The following INPP4B variants were observed in gnomAD, a reference collection of about 807,000 sequenced individuals.
The protein encoded by INPP4B is inositol polyphosphate-4-phosphatase type II B.
Under a neutral mutation model 122.5 loss-of-function variants are expected in INPP4B, and 55 were observed. The ratio of observed to expected loss-of-function variants is 0.45; its 90% CI spans 0.36 to 0.56. The LOEUF is 0.56. INPP4B is among the 20% of genes least tolerant of loss of function. The pLI, the probability that INPP4B is intolerant of heterozygous loss-of-function variation, is 0.00. For missense variants in INPP4B, 1,000 were observed against 1,097.7 expected, an observed-to-expected ratio of 0.91 and a Z score of 1.26; for synonymous variants, 403 against 388.7, an observed-to-expected ratio of 1.04 and a Z score of -0.43.
chr4:142,560,107 G>T (rs1371157230), intron 2 of INPP4B, among the ~76,000 whole-genome samples: 2 of 152,176 alleles, frequency 1.3e-5, no homozygotes, highest in Admixed American at 1.3e-4. Context: ...ACAGAAGGGG[G>T]TTTATCAAGA....
chr4:142,459,198 A>T (rs1055967148), intron 3 of INPP4B, among the ~76,000 whole-genome samples: 3 of 151,890 alleles, frequency 2.0e-5, no homozygotes, highest in Non-Finnish European at 4.4e-5. Flanking sequence ...AGAGGCATTC[A>T]CATATTATGT....
intron 11 of INPP4B, among the ~76,000 whole-genome samples, chr4:142,251,036 A>T (rs1731748039): frequency 6.6e-6 from 1 of 152,194 alleles, no homozygotes; most frequent in Non-Finnish European, 1.5e-5. Context: ...TCCAACACTT[A>T]TGCCTTACAG....
chr4:142,407,551 G>T (rs888268414), intron 5 of INPP4B, among the ~76,000 whole-genome samples: 1 of 152,044 alleles, frequency 6.6e-6, no homozygotes, highest in Non-Finnish European at 1.5e-5. Flanking sequence ...CCCTAATACT[G>T]ATAAAAATAA....
chr4:142,071,559 A>AT (rs1261405744), intron 25 of INPP4B, among the ~76,000 whole-genome samples: 3 of 152,180 alleles, frequency 2.0e-5, no homozygotes, highest in African/African-American at 7.2e-5. Flanking sequence ...AACCTACAGA[A>AT]TGGGAGAAAA....
At chr4:142,436,378 G>T (rs554639760) in intron 3 of INPP4B, among the ~76,000 whole-genome samples, 2 of 152,286 alleles carry the variant, frequency 1.3e-5, no homozygotes, top group South Asian at 2.1e-4. Flanking sequence ...TCCCTCCAGT[G>T]CAGCACACCC....
rs543197327 is a variant in INPP4B, at chr4:142,428,166, T to C, written c.136+1007A>G. 1.6e-4 allele frequency among the ~76,000 whole-genome samples: 24 copies of C among 151,522 alleles called. 1 individual carries two copies. In the South Asian group the frequency reaches 5.0e-3, roughly 31 times the overall value. Reference sequence around the variant, plus strand: ...AAAATAAAATATTTTCAGCAAAAAATATAAATTTAAAAAATAATAAAAATG... The same window carrying C: ...AAAATAAAATATTTTCAGCAAAAAACATAAATTTAAAAAATAATAAAAATG... On this transcript the variant is annotated intron_variant, in intron 5 of 25. Transcript: ENST00000262992.
At chr4:142,283,600 G>A (rs568590391) in intron 9 of INPP4B, among the ~76,000 whole-genome samples, 7 of 152,110 alleles carry the variant, frequency 4.6e-5, no homozygotes, top group Non-Finnish European at 8.8e-5. Context: ...TGTACAGCAC[G>A]TTACTGTACT....
chr4:142,075,866 G>A (rs1359379622), intron 25 of INPP4B, among the ~76,000 whole-genome samples: 1 of 152,000 alleles, frequency 6.6e-6, no homozygotes, highest in African/African-American at 2.4e-5. Context: ...TTAGAATAAG[G>A]AATTAACTCC....
At chr4:142,548,679 A>T (rs529807782) in intron 2 of INPP4B, among the ~76,000 whole-genome samples, 1 of 152,254 alleles carries the variant, frequency 6.6e-6, no homozygotes, top group Admixed American at 6.6e-5. Context: ...GAGTCATTAA[A>T]GATGACATGT....
chr4:142,345,264 A>C (rs2151743452), intron 7 of INPP4B, among the ~76,000 whole-genome samples: 1 of 152,166 alleles, frequency 6.6e-6, no homozygotes, highest in South Asian at 2.1e-4. Flanking sequence ...TAACTAATCA[A>C]ATTCTATGAT....
chr4:142,525,166 GA>G (rs1390177882), intron 2 of INPP4B, among the ~76,000 whole-genome samples: 2 of 151,662 alleles, frequency 1.3e-5, no homozygotes, highest in African/African-American at 4.8e-5. Context: ...AAATACCTAG[GA>G]ATCCAACTTA....
chr4:142,609,214 T>C (rs1160133906), intron 2 of INPP4B, among the ~76,000 whole-genome samples: 2 of 151,388 alleles, frequency 1.3e-5, no homozygotes, highest in African/African-American at 4.8e-5. Context: ...TTATTTATAT[T>C]TAAACATAAA....
At chr4:142,333,010 CAAAA>C (rs1158290884) in intron 7 of INPP4B, among the ~76,000 whole-genome samples, 606 of 43,452 alleles carry the variant, frequency 0.014, 24 homozygotes, top group African/African-American at 0.04. Context: ...GACTCCGTCT[CAAAA>C]AAAAAAAAAA....
At chr4:142,678,834 T>C (rs908421587) in intron 2 of INPP4B, among the ~76,000 whole-genome samples, 18 of 151,872 alleles carry the variant, frequency 1.2e-4, no homozygotes, top group African/African-American at 4.3e-4. Context: ...AAACATTTGT[T>C]GTGGTGTTTT....
intron 2 of INPP4B, among the ~76,000 whole-genome samples, chr4:142,551,277 C>G (rs1727921982): frequency 6.6e-6 from 1 of 152,122 alleles, no homozygotes; most frequent in Non-Finnish European, 1.5e-5. Context: ...TGGCAAGAAG[C>G]CTTTTCAAAG....
At chr4:142,039,321 A>G (rs1031761048) in intron 25 of INPP4B, among the ~76,000 whole-genome samples, 2 of 152,208 alleles carry the variant, frequency 1.3e-5, no homozygotes, top group African/African-American at 4.8e-5. Context: ...TCAATATTGA[A>G]AATAAAAACA....
intron 17 of INPP4B, among the ~76,000 whole-genome samples, chr4:142,156,968 T>C (rs1209352111): frequency 1.3e-5 from 2 of 152,152 alleles, no homozygotes; most frequent in Non-Finnish European, 2.9e-5. Context: ...ATGGAATTAC[T>C]GTAACCTTAT....
At chr4:142,653,162 C>T (rs916416244) in intron 2 of INPP4B, among the ~76,000 whole-genome samples, 1 of 152,200 alleles carries the variant, frequency 6.6e-6, no homozygotes, top group East Asian at 1.9e-4. Flanking sequence ...GGAAAACTGG[C>T]TAGCCATATG....
intron 7 of INPP4B, among the ~76,000 whole-genome samples, chr4:142,357,937 C>A (rs915949796): frequency 4.6e-5 from 7 of 151,820 alleles, no homozygotes; most frequent in Non-Finnish European, 8.8e-5. Flanking sequence ...AAAATAGGAT[C>A]AAGAAAGGAC....
Sources: gnomAD v4.1 joint callset for allele counts (sites outside exome capture counted in the v4.1 genomes callset) on GRCh38, gnomAD v4.1.1 for gene constraint, MANE v1.5 for transcripts, NCBI Gene and HGNC (gene_info 2026-07-23, HGNC 2026-07-21) for gene names.